The following FCAR variants were observed in gnomAD, a reference collection of about 807,000 sequenced individuals.
FCAR encodes Fc alpha receptor, also known as immunoglobulin alpha Fc receptor.
In FCAR, 21 loss-of-function variants were observed where a neutral mutation model predicts 27.1. The observed-to-expected ratio is 0.77, with a 90% CI of 0.55 to 1.11. FCAR has a LOEUF of 1.11. Among genes scored for constraint, FCAR ranks in the 50% most tolerant of loss-of-function variants. FCAR has a pLI of 0.00. For synonymous variants in FCAR, 134 were observed against 135.8 expected, an observed-to-expected ratio of 0.99 and a Z score of 0.09; for missense variants, 404 against 358.4, an observed-to-expected ratio of 1.13 and a Z score of -1.03.
chr19:54,888,948 G>T (rs369779753), intron 4 of FCAR: 1 of 976,202 alleles, frequency 1.0e-6, no homozygotes. Context: ...TGAGCCTGTC[G>T]TCCCAGCTAC....
chr19:54,882,347 C>T (rs768069426), intron 2 of FCAR, among the ~76,000 whole-genome samples: 8 of 151,894 alleles, frequency 5.3e-5, no homozygotes, highest in African/African-American at 1.5e-4. Context: ...CTATAACCCT[C>T]GTTTCATTCA....
Position 54,883,273 on chromosome 19 carries a change from C to G in FCAR, c.71-1962C>G, listed in dbSNP as rs587743732. Reference sequence around the variant, plus strand: ...CTCAAGCAATCTGCCTGCCTTGGCCCCCTAACTCTTGTATTTTGACAAAGT... The same window carrying G: ...CTCAAGCAATCTGCCTGCCTTGGCCGCCTAACTCTTGTATTTTGACAAAGT... On this transcript the variant is annotated intron_variant, in intron 2 of 4. Transcript: ENST00000355524. Among the ~76,000 whole-genome samples, 8 of 151,998 alleles carry G rather than the reference C, an allele frequency of 5.3e-5. No homozygotes were observed. In the South Asian group the frequency reaches 1.7e-3, roughly 32 times the overall value.
chr19:54,887,483 T>G (rs2066803689), intron 3 of FCAR, among the ~76,000 whole-genome samples: 1 of 150,640 alleles, frequency 6.6e-6, no homozygotes, highest in African/African-American at 2.5e-5. Context: ...TAGCTGGGCG[T>G]GGTGGCGGGT....
At chr19:54,880,198 G>A (rs2066334376) in intron 2 of FCAR, among the ~76,000 whole-genome samples, 1 of 152,234 alleles carries the variant, frequency 6.6e-6, no homozygotes, top group South Asian at 2.1e-4. Flanking sequence ...ATGCCAATGG[G>A]CTATTTGGTC....
intron 2 of FCAR, among the ~76,000 whole-genome samples, chr19:54,879,710 C>T (rs958759791): frequency 7.0e-6 from 1 of 143,662 alleles, no homozygotes; most frequent in Non-Finnish European, 1.5e-5. Flanking sequence ...GAGTCTTGCT[C>T]TGTTGCCCAG....
Position 54,876,746 on chromosome 19 carries a change from C to T in FCAR, c.70+1381C>T, listed in dbSNP as rs986901402. 7.2e-5 allele frequency among the ~76,000 whole-genome samples: 11 copies of T among 152,152 alleles called. No individual in the cohort carries two copies. In the East Asian group the frequency reaches 1.4e-3, roughly 19 times the overall value. ...CATCCTGGCTAACACGGTGAAACCT[C>T]GTCTATACTAAAAAACACAAAAAAA... On this transcript the variant is annotated intron_variant, in intron 2 of 4. Coordinates refer to ENST00000355524, the MANE Select transcript of FCAR (RefSeq NM_002000.4).
In FCAR at chr19:54,883,181, A is replaced by ATTT. The variant is rs60755830; in HGVS notation, c.71-2040_71-2038dup. Among the ~76,000 whole-genome samples, 100 of 139,914 alleles carry ATTT rather than the reference A, an allele frequency of 7.1e-4. 1 individual carries two copies. Among genetic ancestry groups the ATTT allele is most frequent in the African/African-American group, 2.2e-3 (86 of 38,280 alleles). The allele number at this position is 139,914 out of a possible 152,430, so 91.8% of individuals were successfully genotyped here. On this transcript the variant is annotated intron_variant, in intron 2 of 4. Coordinates refer to ENST00000355524, the MANE Select transcript of FCAR (RefSeq NM_002000.4). The stretch of plus-strand genomic sequence containing the variant: ...GCACCATAAAGAGAAAATTTTTGTA[A>ATTT]TTTTTTTTTTTTTTTTGTAGAGATG...
chr19:54,882,854 G>A (rs143171689), intron 2 of FCAR, among the ~76,000 whole-genome samples: 1,551 of 152,136 alleles, frequency 0.01, 28 homozygotes, highest in African/African-American at 0.035. Flanking sequence ...ACTCTGCACA[G>A]GATCTTTATT....
intron 2 of FCAR, among the ~76,000 whole-genome samples, chr19:54,875,608 G>C (rs1044443251): frequency 6.6e-6 from 1 of 152,230 alleles, no homozygotes; most frequent in Admixed American, 6.5e-5. Context: ...TGAAGGATCT[G>C]TAATTTACTG....
intron 2 of FCAR, among the ~76,000 whole-genome samples, chr19:54,876,642 G>A (rs983242788): frequency 1.3e-5 from 2 of 152,086 alleles, no homozygotes; most frequent in African/African-American, 2.4e-5. Context: ...TATATTGGCC[G>A]GGCACTGTGG....
Position 54,891,350 on chromosome 19 carries a change from C to T in FCAR, c.*1487C>T, listed in dbSNP as rs1435971198. 4 of 152,072 alleles carry T rather than the reference C, an allele frequency of 2.6e-5. No homozygotes were observed. The East Asian group carries it at 7.7e-4, about 29-fold the overall frequency. The allele number at this position is 152,072 out of a possible 1,614,324, so 9.4% of individuals were successfully genotyped here. The stretch of plus-strand genomic sequence containing the variant: ...TTTATCCTTTACTGAGAGCTTATCT[C>T]TACTTGATAAAATTTCTACTGTATT... On this transcript the variant is annotated 3_prime_UTR_variant, in exon 5 of 5. Transcript: ENST00000355524.
chr19:54,875,528 C>T (rs181014076), intron 2 of FCAR, among the ~76,000 whole-genome samples, 163 bp downstream of exon 2: 1 of 152,298 alleles, frequency 6.6e-6, no homozygotes, highest in East Asian at 1.9e-4. Flanking sequence ...TTGTTATCTC[C>T]AAACCCTTCA....
chr19:54,890,177 C>T lies in FCAR; in HGVS notation c.*314C>T, dbSNP rs1601968727. The T allele has an allele frequency of 2.5e-5, 9 of 365,990 alleles. No homozygotes were observed. The East Asian group carries it at 5.1e-4, about 21-fold the overall frequency. 22.7% of individuals were successfully genotyped at this position (365,990 alleles called of 1,614,324 possible). On this transcript the variant is annotated 3_prime_UTR_variant, in exon 5 of 5. Transcript: ENST00000355524. ...CTGTGTTGGCCAGGCTGGTCTCGAA[C>T]TCCTGACCTCAGGTGATCCACCCAC...
chr19:54,878,654 T>C, intron 2 of FCAR, among the ~76,000 whole-genome samples: 1 of 152,042 alleles, frequency 6.6e-6, no homozygotes, highest in Non-Finnish European at 1.5e-5. Context: ...TCATGTTGAA[T>C]TGAACCCTTT....
chr19:54,884,448 A>G (rs1237767024), intron 2 of FCAR, among the ~76,000 whole-genome samples: 1 of 152,222 alleles, frequency 6.6e-6, no homozygotes, highest in Non-Finnish European at 1.5e-5. Flanking sequence ...CCTGGCCAAC[A>G]TGGTGAAACC....
rs587768930 is a variant in FCAR, at chr19:54,882,276, G to T, written c.71-2959G>T. 2.0e-5 allele frequency among the ~76,000 whole-genome samples: 3 copies of T among 152,312 alleles called. No individual in the cohort carries two copies. In the South Asian group the frequency reaches 6.2e-4, roughly 32 times the overall value. On this transcript the variant is annotated intron_variant, in intron 2 of 4. Transcript: ENST00000355524. ...GTGTGTCCCCACCATGGACCCCTTG[G>T]ATTGTGTTTCAAATTTCTCCTCAAT...
intron 1 of FCAR, 32 bp downstream of exon 1, chr19:54,874,355 G>A: frequency 6.2e-7 from 1 of 1,609,748 alleles, no homozygotes; most frequent in Non-Finnish European, 8.5e-7. Flanking sequence ...GGTTAGAGGG[G>A]AAGATAGAGA....
At chr19:54,884,797 T>C (rs2066608897) in intron 2 of FCAR, among the ~76,000 whole-genome samples, 2 of 126,212 alleles carry the variant, frequency 1.6e-5, no homozygotes, top group South Asian at 5.3e-4. Flanking sequence ...AATTTTTCTC[T>C]TTTTTTAATT....
chr19:54,875,585 G>A (rs1053016618), intron 2 of FCAR, among the ~76,000 whole-genome samples: 4 of 152,196 alleles, frequency 2.6e-5, no homozygotes, highest in Admixed American at 1.3e-4. Context: ...CCTTGCCTGT[G>A]TTAGACTGTC....
Sources: allele counts gnomAD v4.1 joint callset (sites outside exome capture counted in the v4.1 genomes callset), GRCh38; gene constraint gnomAD v4.1.1; transcripts MANE v1.5; gene names NCBI Gene and HGNC (gene_info 2026-07-23, HGNC 2026-07-21).